Variants in SYN2 observed in about 807,000 individuals in gnomAD.
SYN2 encodes the protein synapsin II.
Under a neutral mutation model 50.9 loss-of-function variants are expected in SYN2, and 19 were observed. The observed-to-expected ratio is 0.37, with a 90% CI of 0.26 to 0.55. The LOEUF (loss-of-function observed/expected upper bound fraction) is 0.55. Ranked by LOEUF, SYN2 falls within the 20% of genes least tolerant of loss-of-function variation. The pLI is 0.81. For missense variants in SYN2, 587 were observed against 576.4 expected (o/e 1.02, Z -0.19); for synonymous variants, 255 against 224.9 (o/e 1.13, Z -1.20).
chr3:12,088,062 C>T (rs1695748959), intron 1 of SYN2, among the ~76,000 whole-genome samples: 1 of 152,060 alleles, frequency 6.6e-6, no homozygotes, highest in South Asian at 2.1e-4. Context: ...CAAAAATACA[C>T]AATGAGATTG....
intron 1 of SYN2, among the ~76,000 whole-genome samples, chr3:12,126,713 T>G (rs941840408): frequency 1.3e-5 from 2 of 152,218 alleles, no homozygotes; most frequent in African/African-American, 4.8e-5. Context: ...CTTAGTTATC[T>G]GTAAATTTGG....
chr3:12,140,606 A>G (rs1297068596), intron 1 of SYN2, 45 bp from the exon 2 acceptor site: 2 of 727,118 alleles, frequency 2.8e-6, no homozygotes, highest in African/African-American at 1.7e-5. Flanking sequence ...CTGACTTTAA[A>G]TACTTGCACA....
intron 1 of SYN2, among the ~76,000 whole-genome samples, chr3:12,008,732 A>G (rs1018844179): frequency 6.6e-6 from 1 of 152,244 alleles, no homozygotes; most frequent in Admixed American, 6.5e-5. Flanking sequence ...GCAGAAGTTT[A>G]GAAGAGTTAA....
intron 7 of SYN2, 126 bp from the exon 8 acceptor site, chr3:12,167,108 C>G: frequency 1.1e-6 from 1 of 926,314 alleles, no homozygotes; most frequent in Non-Finnish European, 1.7e-6. Flanking sequence ...CAGACAGACC[C>G]CTGGGCTACT....
intron 1 of SYN2, among the ~76,000 whole-genome samples, chr3:12,103,345 G>T (rs1198659567): frequency 6.6e-6 from 1 of 152,182 alleles, no homozygotes; most frequent in African/African-American, 2.4e-5. Flanking sequence ...AAAGAAGTGA[G>T]TGAGCTTTTC....
In SYN2 at chr3:12,049,104, A is replaced by G. The variant is rs908687118; in HGVS notation, c.377+44176A>G. On this transcript the variant is annotated intron_variant, in intron 1 of 12. Coordinates refer to ENST00000621198, the MANE Select transcript of SYN2 (RefSeq NM_133625.6). ...TTCATTGAGCACATGCTTATCGAACACTTAGGGTATGTCAGGCCATTGTGC... is the reference window on the plus strand; with the variant it reads ...TTCATTGAGCACATGCTTATCGAACGCTTAGGGTATGTCAGGCCATTGTGC... 8.5e-5 allele frequency among the ~76,000 whole-genome samples: 13 copies of G among 152,298 alleles called. No individual in the cohort carries two copies. The East Asian group carries it at 2.3e-3, about 27-fold the overall frequency.
In SYN2 at chr3:12,190,706, G is replaced by T. The variant is rs1320223835; in HGVS notation, c.*81G>T. ...CCAACAACAGTCAGCCAGCTTGGTG[G>T]TTATGTCCCATGACCTTGACGTGTG... is the stretch of plus-strand genomic sequence containing the variant. On this transcript the variant is annotated 3_prime_UTR_variant, in exon 13 of 13. Transcript: ENST00000621198. The T allele has an allele frequency of 3.8e-6, 6 of 1,566,588 alleles. No homozygotes were observed. The highest frequency in any genetic ancestry group is 4.3e-6 in the Non-Finnish European group (5 of 1,158,362).
chr3:12,079,205 G>A (rs1695534436), intron 1 of SYN2, among the ~76,000 whole-genome samples: 1 of 152,130 alleles, frequency 6.6e-6, no homozygotes, highest in Non-Finnish European at 1.5e-5. Flanking sequence ...CTTTTGGGCT[G>A]AGATGATGGG....
intron 1 of SYN2, among the ~76,000 whole-genome samples, chr3:12,009,254 G>T (rs1407493229): frequency 1.3e-5 from 2 of 152,048 alleles, no homozygotes; most frequent in South Asian, 2.1e-4. Context: ...CTCGAGAGGG[G>T]ATGTGGCTTG....
At chr3:12,157,761 C>T (rs530912607) in intron 5 of SYN2, among the ~76,000 whole-genome samples, 14 of 152,258 alleles carry the variant, frequency 9.2e-5, no homozygotes, top group East Asian at 5.8e-4. Context: ...TCTCCATAGC[C>T]GTTTGTGCAG....
At chr3:12,128,725 A>C (rs1168530586) in intron 1 of SYN2, among the ~76,000 whole-genome samples, 1 of 152,240 alleles carries the variant, frequency 6.6e-6, no homozygotes, top group Non-Finnish European at 1.5e-5. Flanking sequence ...CAGCATTAAA[A>C]GAATGAATTC....
chr3:12,019,741 A>G (rs529885335), intron 1 of SYN2, among the ~76,000 whole-genome samples: 2 of 152,348 alleles, frequency 1.3e-5, no homozygotes, highest in East Asian at 1.9e-4. Flanking sequence ...TGTATGTACC[A>G]TTGCACTTAA....
chr3:12,099,618 CT>C (rs1373411156), intron 1 of SYN2, among the ~76,000 whole-genome samples: 1 of 151,866 alleles, frequency 6.6e-6, no homozygotes, highest in East Asian at 1.9e-4. Flanking sequence ...AATTAATAAC[CT>C]AACTCTCCAT....
At chr3:12,014,544 G>A (rs557655265) in intron 1 of SYN2, among the ~76,000 whole-genome samples, 2 of 152,318 alleles carry the variant, frequency 1.3e-5, no homozygotes, top group South Asian at 4.1e-4. Context: ...GTCCATGGCA[G>A]CTCTGAGCAG....
rs543776743 is a variant in SYN2, at chr3:12,124,596, CA to C, written c.378-16053del. On this transcript the variant is annotated intron_variant, in intron 1 of 12. Coordinates refer to ENST00000621198, the MANE Select transcript of SYN2 (RefSeq NM_133625.6). ...ACAGATAAATAAATTGTGATGTATT[CA>C]AGTAATAAAAATAAATAGGCCAGGG... Among the ~76,000 whole-genome samples the C allele has an allele frequency of 2.8e-3, 430 of 152,108 alleles. 3 individuals carry two copies. The highest frequency in any genetic ancestry group is 9.6e-3 in the African/African-American group (400 of 41,474).
chr3:12,178,896 G>A (rs1698153562), intron 10 of SYN2, among the ~76,000 whole-genome samples: 1 of 152,222 alleles, frequency 6.6e-6, no homozygotes, highest in Non-Finnish European at 1.5e-5. Flanking sequence ...CAGCTGCTAA[G>A]CAGGAGAGCT....
At chr3:12,134,093 ATGT>A (rs72299526) in intron 1 of SYN2, among the ~76,000 whole-genome samples, 5,472 of 152,258 alleles carry the variant, frequency 0.036, 345 homozygotes, top group African/African-American at 0.12. Context: ...AAAATGGAAA[ATGT>A]TGTTATGTCT....
chr3:12,008,205 C>G (rs1238419975), intron 1 of SYN2, among the ~76,000 whole-genome samples: 1 of 152,076 alleles, frequency 6.6e-6, no homozygotes, highest in East Asian at 1.9e-4. Context: ...GATTCTGACC[C>G]CAGTGATCAA....
chr3:12,187,258 TAGAGCTTATCCTTTGGGTAA>T lies in SYN2; in HGVS notation c.1370-110_1370-91del, dbSNP rs1396326233. On this transcript the variant is annotated intron_variant, in intron 11 of 12. Transcript: ENST00000621198. Reference sequence around the variant, plus strand: ...CTTCAGAGACTCCAGCTTCTTGGAATAGAGCTTATCCTTTGGGTAATTAACTAACCACACCCTTTGAGGCA... The same window carrying T: ...CTTCAGAGACTCCAGCTTCTTGGAATTTAACTAACCACACCCTTTGAGGCA... 4.3e-6 allele frequency: 6 copies of T among 1,399,800 alleles called. No individual in the cohort carries two copies. The African/African-American group carries it at 8.7e-5, about 20-fold the overall frequency. 86.7% of individuals were successfully genotyped at this position (1,399,800 alleles called of 1,614,324 possible).
Sources: gnomAD v4.1 joint callset for allele counts (sites outside exome capture counted in the v4.1 genomes callset) on GRCh38, gnomAD v4.1.1 for gene constraint, MANE v1.5 for transcripts, NCBI Gene and HGNC (gene_info 2026-07-23, HGNC 2026-07-21) for gene names.